TMEM217B: variants seen among roughly 807,000 people sequenced by gnomAD.
TMEM217B encodes the protein transmembrane protein 217B, also known as putative transmembrane protein 217B.
the TMEM217B span, among the ~76,000 whole-genome samples, chr6:37,225,064 G>A: frequency 6.6e-6 from 1 of 151,770 alleles, no homozygotes; most frequent in South Asian, 2.1e-4. Flanking sequence ...AGGTGTGGTG[G>A]TGGCACATCC....
At chr6:37,254,919 A>G in the TMEM217B span, among the ~76,000 whole-genome samples, 2 of 152,186 alleles carry the variant, frequency 1.3e-5, no homozygotes, top group Admixed American at 6.5e-5. Flanking sequence ...AAGGCATTAG[A>G]TTCTCATAAG....
At chr6:37,250,690 C>A in the TMEM217B span, among the ~76,000 whole-genome samples, 1 of 152,230 alleles carries the variant, frequency 6.6e-6, no homozygotes, top group African/African-American at 2.4e-5. Context: ...CTCTCTCAGG[C>A]GTGCGTGTGC....
the TMEM217B span, among the ~76,000 whole-genome samples, chr6:37,226,602 AG>A: frequency 6.6e-6 from 1 of 150,822 alleles, no homozygotes; most frequent in Non-Finnish European, 1.5e-5. Context: ...CGGCCGAGAC[AG>A]AGTCTTGCTC....
the TMEM217B span, among the ~76,000 whole-genome samples, chr6:37,246,983 G>T: frequency 1.3e-5 from 2 of 152,090 alleles, no homozygotes; most frequent in East Asian, 3.9e-4. Flanking sequence ...ATGGTTAGGA[G>T]TTTGGATTTC....
the TMEM217B span, among the ~76,000 whole-genome samples, chr6:37,230,775 TAACACAGTTAAGCAG>T: frequency 1.3e-5 from 2 of 152,162 alleles, no homozygotes; most frequent in Non-Finnish European, 2.9e-5. Context: ...AAATTCTGCT[TAACACAGTTAAGCAG>T]AACAGCCTTT....
At chr6:37,234,411 T>C in the TMEM217B span, among the ~76,000 whole-genome samples, 1 of 152,188 alleles carries the variant, frequency 6.6e-6, no homozygotes, top group Non-Finnish European at 1.5e-5. Context: ...CTTAGATGCA[T>C]TTTTGACTTA....
chr6:37,251,591 TAA>T, the TMEM217B span, among the ~76,000 whole-genome samples: 1 of 152,224 alleles, frequency 6.6e-6, no homozygotes, highest in Non-Finnish European at 1.5e-5. Flanking sequence ...ATGTTATTTA[TAA>T]AGTTTCAAAA....
At chr6:37,226,335 C>G in the TMEM217B span, among the ~76,000 whole-genome samples, 2 of 135,134 alleles carry the variant, frequency 1.5e-5, no homozygotes, top group Non-Finnish European at 3.1e-5. Context: ...CTCTTTCGCC[C>G]AGGCTGGAGT....
At chr6:37,247,351 G>GA in the TMEM217B span, among the ~76,000 whole-genome samples, 1 of 151,534 alleles carries the variant, frequency 6.6e-6, no homozygotes, top group Non-Finnish European at 1.5e-5. Flanking sequence ...AAGTGATATA[G>GA]GGGAAGGAAG....
the TMEM217B span, among the ~76,000 whole-genome samples, chr6:37,244,448 A>G: frequency 1.3e-5 from 2 of 152,252 alleles, no homozygotes; most frequent in East Asian, 3.8e-4. Context: ...TTATAGCCTA[A>G]CAAATACAAC....
the TMEM217B span, among the ~76,000 whole-genome samples, chr6:37,251,333 C>T: frequency 6.6e-6 from 1 of 152,068 alleles, no homozygotes; most frequent in African/African-American, 2.4e-5. Context: ...GTTATAGCAG[C>T]CTGAATGGAC....
chr6:37,231,489 A>G, the TMEM217B span, among the ~76,000 whole-genome samples: 1 of 150,384 alleles, frequency 6.6e-6, no homozygotes, highest in Non-Finnish European at 1.5e-5. Context: ...CCTGGCCAAC[A>G]TGGTGAAACC....
At chr6:37,256,584 T>C in the TMEM217B span, among the ~76,000 whole-genome samples, 3 of 152,168 alleles carry the variant, frequency 2.0e-5, no homozygotes, top group African/African-American at 7.2e-5. Flanking sequence ...AATCCTATAA[T>C]TCTTAAATTA....
chr6:37,218,385 C>G, the TMEM217B span: 1 of 1,469,276 alleles, frequency 6.8e-7, no homozygotes, highest in East Asian at 2.3e-5. Flanking sequence ...CTGCCAAGGC[C>G]AGGCTGGTCT....
At chr6:37,215,570 C>CAAAAAAACAAAAAAAAAAAAAAAA in the TMEM217B span, among the ~76,000 whole-genome samples, 1 of 72,376 alleles carries the variant, frequency 1.4e-5, no homozygotes, top group African/African-American at 6.0e-5. Flanking sequence ...GACTCTGTCT[C>CAAAAAAACAAAAAAAAAAAAAAAA]AAAAAAAAAA....
chr6:37,212,398 C>T, the TMEM217B span: 1 of 389,264 alleles, frequency 2.6e-6, no homozygotes, highest in East Asian at 7.2e-5. Context: ...CCCACCTTTC[C>T]TGGCATCTGG....
At chr6:37,222,416 C>G in the TMEM217B span, among the ~76,000 whole-genome samples, 1 of 152,230 alleles carries the variant, frequency 6.6e-6, no homozygotes, top group Non-Finnish European at 1.5e-5. Context: ...CGGGAGCCTG[C>G]AGGGACGGCA....
chr6:37,224,651 T>A, the TMEM217B span, among the ~76,000 whole-genome samples: 5 of 151,786 alleles, frequency 3.3e-5, no homozygotes, highest in East Asian at 9.8e-4. Flanking sequence ...AGACAGCATC[T>A]CGCCATGTTA....
the TMEM217B span, chr6:37,215,271 C>T: frequency 6.2e-7 from 1 of 1,613,622 alleles, no homozygotes; most frequent in Non-Finnish European, 8.5e-7. Context: ...GGTAAATATG[C>T]TAGTGTGGAA....
Sources: gnomAD v4.1 joint callset for allele counts (sites outside exome capture counted in the v4.1 genomes callset) on GRCh38, gnomAD v4.1.1 for gene constraint, MANE v1.5 for transcripts, NCBI Gene and HGNC (gene_info 2026-07-23, HGNC 2026-07-21) for gene names.